ROBO1: variants seen among roughly 807,000 people sequenced by gnomAD.
ROBO1 encodes roundabout homolog 1.
Under a neutral mutation model 195.9 loss-of-function variants are expected in ROBO1, and 149 were observed. The ratio of observed to expected loss-of-function variants is 0.76; its 90% CI spans 0.67 to 0.87. The LOEUF (loss-of-function observed/expected upper bound fraction) is 0.87, where lower values mean the gene tolerates loss of function less well. Ranked by LOEUF, ROBO1 falls within the 40% of genes least tolerant of loss-of-function variation. The probability of loss-of-function intolerance (pLI) is 0.00; values close to 1 mark genes in which losing one functional copy is unlikely to be tolerated. For synonymous variants in ROBO1, 816 were observed against 733.2 expected, an observed-to-expected ratio of 1.11 and a Z score of -1.82; for missense variants, 1,933 against 2,068.3, an observed-to-expected ratio of 0.93 and a Z score of 1.27.
At chr3:79,119,005 A>G (rs1377535760) in intron 3 of ROBO1, among the ~76,000 whole-genome samples, 1 of 152,076 alleles carries the variant, frequency 6.6e-6, no homozygotes, top group East Asian at 1.9e-4. Flanking sequence ...TCCCCACTAT[A>G]AAAACTCAAA....
intron 4 of ROBO1, among the ~76,000 whole-genome samples, chr3:78,881,454 T>G (rs1398246807): frequency 6.6e-6 from 1 of 152,132 alleles, no homozygotes; most frequent in Non-Finnish European, 1.5e-5. Context: ...AAGAAAACAA[T>G]AAAAATGCCA....
intron 1 of ROBO1, among the ~76,000 whole-genome samples, chr3:79,623,428 T>C (rs952149977): frequency 3.3e-5 from 5 of 152,166 alleles, no homozygotes; most frequent in Non-Finnish European, 7.3e-5. Context: ...TCTAACACAA[T>C]GCAAAGATGC....
At chr3:79,658,898 G>A (rs775437758) in intron 1 of ROBO1, among the ~76,000 whole-genome samples, 8 of 151,554 alleles carry the variant, frequency 5.3e-5, no homozygotes, top group Non-Finnish European at 1.0e-4. Flanking sequence ...CAGCATGTCC[G>A]GCTAATTTTT....
chr3:79,300,350 G>T (rs187051380), intron 2 of ROBO1, among the ~76,000 whole-genome samples: 6 of 152,342 alleles, frequency 3.9e-5, no homozygotes, highest in Middle Eastern at 3.4e-3. Flanking sequence ...GCAATGAGGG[G>T]CTTAGCACCC....
chr3:79,525,539 G>GATATATAT (rs367662211), intron 2 of ROBO1, among the ~76,000 whole-genome samples: 11 of 140,906 alleles, frequency 7.8e-5, no homozygotes, highest in Admixed American at 3.6e-4. Context: ...TTATACTTCA[G>GATATATAT]ATATATATAT....
At chr3:79,442,617 T>C (rs1158690481) in intron 2 of ROBO1, among the ~76,000 whole-genome samples, 3 of 152,068 alleles carry the variant, frequency 2.0e-5, no homozygotes, top group Non-Finnish European at 2.9e-5. Flanking sequence ...CTCTGAAAAT[T>C]ACCCTTCACA....
chr3:78,718,124 T>C (rs187353184), intron 5 of ROBO1, among the ~76,000 whole-genome samples: 5 of 152,346 alleles, frequency 3.3e-5, no homozygotes, highest in Non-Finnish European at 1.5e-5. Context: ...AAAGTTATAT[T>C]CTGTATAGCT....
chr3:79,607,095 G>GCACACACACA (rs35692271), intron 1 of ROBO1, among the ~76,000 whole-genome samples: 5,107 of 139,974 alleles, frequency 0.036, 134 homozygotes, highest in African/African-American at 0.074. Flanking sequence ...ATTAAAACCT[G>GCACACACACA]CACACACACA....
chr3:79,090,938 C>T (rs2079468450), intron 3 of ROBO1, among the ~76,000 whole-genome samples: 1 of 151,890 alleles, frequency 6.6e-6, no homozygotes, highest in Non-Finnish European at 1.5e-5. Context: ...TTCTATTTGT[C>T]TATTATAATA....
intron 24 of ROBO1, among the ~76,000 whole-genome samples, chr3:78,633,687 T>A (rs748699403): frequency 5.9e-5 from 9 of 152,204 alleles, no homozygotes; most frequent in Non-Finnish European, 8.8e-5. Flanking sequence ...ATGTTTCTTC[T>A]GGCTTTGCTA....
chr3:79,193,761 A>G (rs146848358), intron 2 of ROBO1, among the ~76,000 whole-genome samples: 1,633 of 151,566 alleles, frequency 0.011, 13 homozygotes, highest in Non-Finnish European at 0.018. Context: ...AGAGACAGGA[A>G]AGAAGACACT....
intron 4 of ROBO1, among the ~76,000 whole-genome samples, chr3:78,857,501 T>G (rs1265959314): frequency 6.6e-6 from 1 of 152,188 alleles, no homozygotes; most frequent in Non-Finnish European, 1.5e-5. Flanking sequence ...TAAATATTCC[T>G]GTTTTAGATA....
At chr3:79,057,882 A>T (rs2078842024) in intron 3 of ROBO1, among the ~76,000 whole-genome samples, 1 of 152,024 alleles carries the variant, frequency 6.6e-6, no homozygotes, top group Non-Finnish European at 1.5e-5. Flanking sequence ...GCCCTGCTAA[A>T]CCAGGAGAAG....
intron 4 of ROBO1, among the ~76,000 whole-genome samples, chr3:78,900,363 G>C (rs2037511073): frequency 6.6e-6 from 1 of 152,022 alleles, no homozygotes; most frequent in Non-Finnish European, 1.5e-5. Flanking sequence ...CAAAGAATAG[G>C]AGAATAGATT....
At chr3:79,568,222 T>C (rs991098628) in intron 2 of ROBO1, among the ~76,000 whole-genome samples, 4 of 152,086 alleles carry the variant, frequency 2.6e-5, no homozygotes, top group African/African-American at 7.2e-5. Flanking sequence ...TGCTAAAAAT[T>C]GAAGCAAAGA....
At chr3:79,061,721 G>A (rs1325546367) in intron 3 of ROBO1, among the ~76,000 whole-genome samples, 2 of 152,044 alleles carry the variant, frequency 1.3e-5, no homozygotes, top group Admixed American at 1.3e-4. Flanking sequence ...TCTGACCTTT[G>A]ACAAACCTGA....
intron 3 of ROBO1, among the ~76,000 whole-genome samples, chr3:79,065,489 G>A (rs1305515874): frequency 6.6e-6 from 1 of 151,934 alleles, no homozygotes. Context: ...TGGAAAAGCG[G>A]TGGAGTTTAG....
At chr3:79,654,695 T>C (rs757507319) in intron 1 of ROBO1, among the ~76,000 whole-genome samples, 2 of 150,558 alleles carry the variant, frequency 1.3e-5, no homozygotes, top group South Asian at 4.3e-4. Context: ...AGTTGACTTT[T>C]GAATTGCACT....
intron 3 of ROBO1, among the ~76,000 whole-genome samples, chr3:78,958,819 CTTTT>C (rs753439088): frequency 7.7e-6 from 1 of 130,614 alleles, no homozygotes; most frequent in African/African-American, 2.9e-5. Flanking sequence ...CTTTCTTCTT[CTTTT>C]TTTTTTTTTT....
Sources: gnomAD v4.1 joint callset for allele counts (sites outside exome capture counted in the v4.1 genomes callset) on GRCh38, gnomAD v4.1.1 for gene constraint, MANE v1.5 for transcripts, NCBI Gene and HGNC (gene_info 2026-07-23, HGNC 2026-07-21) for gene names.